The following DPYD variants were observed in gnomAD, a reference collection of about 807,000 sequenced individuals.
DPYD encodes the protein dihydropyrimidine dehydrogenase, also known as dihydropyrimidine dehydrogenase [NADP(+)].
In DPYD, 109 loss-of-function variants were observed where a neutral mutation model predicts 116.2. That is an observed-to-expected ratio of 0.94 (90% CI 0.80 to 1.10). The LOEUF is 1.10. Ranked by LOEUF, DPYD falls within the 50% of genes least tolerant of loss-of-function variation. DPYD has a pLI of 0.00. For synonymous variants in DPYD, 440 were observed against 432.0 expected (o/e 1.02, Z -0.23); for missense variants, 1,302 against 1,254.5 (o/e 1.04, Z -0.57).
At chr1:97,208,701 C>T (rs186928034) in intron 19 of DPYD, among the ~76,000 whole-genome samples, 15 of 152,196 alleles carry the variant, frequency 9.9e-5, no homozygotes, top group African/African-American at 3.1e-4. Context: ...ACTAATCTTC[C>T]GGTTTCTTTT....
At chr1:97,383,212 C>A (rs1468808034) in intron 14 of DPYD, among the ~76,000 whole-genome samples, 1 of 152,010 alleles carries the variant, frequency 6.6e-6, no homozygotes, top group Non-Finnish European at 1.5e-5. Flanking sequence ...CGTGGTGGCT[C>A]ACGCTTGTAA....
intron 16 of DPYD, among the ~76,000 whole-genome samples, chr1:97,352,213 T>A (rs1313666262): frequency 6.6e-6 from 1 of 152,186 alleles, no homozygotes; most frequent in South Asian, 2.1e-4. Context: ...CAAGTGCCAA[T>A]GTGGCGTGTC....
chr1:97,317,291 T>C (rs750130967), intron 16 of DPYD, among the ~76,000 whole-genome samples: 2 of 151,992 alleles, frequency 1.3e-5, no homozygotes, highest in African/African-American at 4.8e-5. Flanking sequence ...TGTACACATT[T>C]TCCTGATACC....
intron 19 of DPYD, among the ~76,000 whole-genome samples, chr1:97,226,608 A>C (rs190078878): frequency 7.9e-5 from 12 of 152,310 alleles, no homozygotes; most frequent in Non-Finnish European, 1.8e-4. Context: ...AAAAGAAATC[A>C]AAGAGTTAAT....
chr1:97,253,643 C>T (rs1270534345), intron 18 of DPYD, among the ~76,000 whole-genome samples: 2 of 152,112 alleles, frequency 1.3e-5, no homozygotes, highest in Non-Finnish European at 2.9e-5. Context: ...GGCACAAAAA[C>T]TTTCCAACAC....
chr1:97,585,789 G>A (rs1199247543), intron 10 of DPYD: 2 of 152,132 alleles, frequency 1.3e-5, no homozygotes, highest in Non-Finnish European at 1.5e-5. Flanking sequence ...GGCTTCTAAT[G>A]TTCACCTAAA....
At chr1:97,202,814 A>C (rs1399591922) in intron 19 of DPYD, among the ~76,000 whole-genome samples, 3 of 152,200 alleles carry the variant, frequency 2.0e-5, no homozygotes, top group Non-Finnish European at 4.4e-5. Flanking sequence ...AATAATAATA[A>C]GAACCATACA....
chr1:97,907,116 G>A (rs538530540), intron 1 of DPYD, among the ~76,000 whole-genome samples: 5 of 152,026 alleles, frequency 3.3e-5, no homozygotes, highest in East Asian at 3.9e-4. Flanking sequence ...AGGAAGGAGC[G>A]GAACAATGAA....
At chr1:97,630,971 T>A (rs1258367493) in intron 8 of DPYD, among the ~76,000 whole-genome samples, 1 of 152,146 alleles carries the variant, frequency 6.6e-6, no homozygotes, top group Non-Finnish European at 1.5e-5. Flanking sequence ...TCCTTTGTCT[T>A]GATTTGTTTC....
chr1:97,634,843 A>G (rs1657473903), intron 8 of DPYD, among the ~76,000 whole-genome samples: 1 of 151,724 alleles, frequency 6.6e-6, no homozygotes, highest in East Asian at 1.9e-4. Context: ...AACTGACAAT[A>G]TCAGGAGTTT....
intron 16 of DPYD, among the ~76,000 whole-genome samples, chr1:97,326,892 G>C (rs1261368600): frequency 1.3e-5 from 2 of 151,944 alleles, no homozygotes; most frequent in Non-Finnish European, 2.9e-5. Context: ...TCATTTTACA[G>C]TTCTCACAAT....
chr1:97,515,055 TAA>T (rs944332984), intron 13 of DPYD, among the ~76,000 whole-genome samples: 2 of 152,006 alleles, frequency 1.3e-5, no homozygotes, highest in Non-Finnish European at 2.9e-5. Context: ...CTAAAAATGT[TAA>T]AGTCTGTTGT....
intron 8 of DPYD, among the ~76,000 whole-genome samples, chr1:97,652,550 C>A (rs1350628360): frequency 6.6e-6 from 1 of 151,970 alleles, no homozygotes; most frequent in African/African-American, 2.4e-5. Context: ...GGAGAATTTT[C>A]CAGAAAAAGA....
At chr1:97,352,897 GA>G (rs1332848190) in intron 16 of DPYD, among the ~76,000 whole-genome samples, 4 of 151,904 alleles carry the variant, frequency 2.6e-5, no homozygotes, top group Admixed American at 2.0e-4. Context: ...GGCGGAAAGA[GA>G]AAGAAAAGTA....
intron 3 of DPYD, among the ~76,000 whole-genome samples, chr1:97,791,409 C>T (rs1335364997): frequency 6.6e-6 from 1 of 152,164 alleles, no homozygotes; most frequent in Non-Finnish European, 1.5e-5. Context: ...ATTTGGAAAC[C>T]ATAATGATGT....
intron 19 of DPYD, among the ~76,000 whole-genome samples, chr1:97,201,961 T>C (rs1241872119): frequency 6.6e-6 from 1 of 151,386 alleles, no homozygotes; most frequent in African/African-American, 2.4e-5. Context: ...CAGAATACCA[T>C]CTTGTTTCCC....
intron 16 of DPYD, among the ~76,000 whole-genome samples, chr1:97,316,977 G>C (rs1404619498): frequency 6.6e-6 from 1 of 151,680 alleles, no homozygotes; most frequent in Middle Eastern, 3.4e-3. Flanking sequence ...AGGTTCCATA[G>C]GCCTATCTTC....
At chr1:97,882,697 A>C (rs1156233171) in intron 2 of DPYD, among the ~76,000 whole-genome samples, 2 of 152,012 alleles carry the variant, frequency 1.3e-5, no homozygotes, top group Non-Finnish European at 2.9e-5. Context: ...ATACAGTTAA[A>C]CAAAGTTCTA....
intron 19 of DPYD, among the ~76,000 whole-genome samples, chr1:97,217,485 A>T (rs969467654): frequency 1.3e-5 from 2 of 152,164 alleles, no homozygotes; most frequent in Non-Finnish European, 2.9e-5. Flanking sequence ...GTGATTTCTA[A>T]GTGTTTTCAG....
Sources: allele counts gnomAD v4.1 joint callset (sites outside exome capture counted in the v4.1 genomes callset), GRCh38; gene constraint gnomAD v4.1.1; transcripts MANE v1.5; gene names NCBI Gene and HGNC (gene_info 2026-07-23, HGNC 2026-07-21).